The following HAGH variants were observed in gnomAD, a reference collection of about 807,000 sequenced individuals.
The protein encoded by HAGH is hydroxyacylglutathione hydrolase, mitochondrial.
A neutral mutation model predicts 35.1 loss-of-function variants in HAGH; 29 were observed. That is an observed-to-expected ratio of 0.83 (90% CI 0.62 to 1.13). HAGH has a LOEUF of 1.13. Ranked by LOEUF, HAGH falls within the 50% of genes most tolerant of loss-of-function variation. The pLI, the probability that HAGH is intolerant of heterozygous loss-of-function variation, is 0.00. For missense variants in HAGH, 478 were observed against 419.6 expected, an observed-to-expected ratio of 1.14 and a Z score of -1.22; for synonymous variants, 225 against 176.1, an observed-to-expected ratio of 1.28 and a Z score of -2.20.
intron 7 of HAGH, among the ~76,000 whole-genome samples, chr16:1,814,649 C>G (rs922124975): frequency 6.6e-6 from 1 of 152,086 alleles, no homozygotes. Flanking sequence ...CCTGTAATCC[C>G]AGCACTTTGG....
At chr16:1,810,681 C>G (rs1364026584) in intron 7 of HAGH, 1 of 152,498 alleles carries the variant, frequency 6.6e-6, no homozygotes, top group African/African-American at 2.4e-5. Context: ...CCTTCTACCG[C>G]AGCCGCACCA....
intron 8 of HAGH, 151 bp downstream of exon 8, chr16:1,809,603 C>G (rs1309940350): frequency 4.2e-6 from 3 of 715,996 alleles, no homozygotes; most frequent in Non-Finnish European, 7.3e-6. Flanking sequence ...GGACCCCCCT[C>G]AAGAAGAGTG....
chr16:1,809,319 G>A lies in HAGH; in HGVS notation c.891C>T (p.Arg297=), dbSNP rs369286144. ...TDPVTTMRAV[R]REKDQFKMPR... ...GCATCTTGAACTGGTCCTTCTCCCT[G>A]CGCACGGCCCGCATGGTGGTCACCG... Residue 297 remains arginine (R), a synonymous_variant, in exon 9 of 9, where the codon CGC becomes CGT. Coordinates refer to ENST00000397356, the MANE Select transcript of HAGH (RefSeq NM_005326.6). 9 of 1,613,562 alleles carry A rather than the reference G, an allele frequency of 5.6e-6. No individual in the cohort carries two copies. The highest frequency in any genetic ancestry group is 7.6e-6 in the Non-Finnish European group (9 of 1,179,766).
intron 1 of HAGH, among the ~76,000 whole-genome samples, chr16:1,826,105 A>C (rs1024487040): frequency 6.6e-6 from 1 of 152,176 alleles, no homozygotes; most frequent in Admixed American, 6.5e-5. Context: ...CAGAGCCTTG[A>C]CAGCTTTCGG....
intron 7 of HAGH, among the ~76,000 whole-genome samples, chr16:1,815,095 G>A (rs1210668731): frequency 3.5e-5 from 5 of 143,400 alleles, no homozygotes; most frequent in South Asian, 2.2e-4. Context: ...TCCAAAGGCC[G>A]ACACACATGA....
At position 1,817,175 on chromosome 16, in the gene HAGH, G is replaced by T. The variant is rs748106617; in HGVS notation, c.638C>A (p.Pro213Gln). Reference sequence around the variant, plus strand: ...CAGGGAGGCGCTGCCTACTGTGTCCGGGGGGAGCCGGCCCAAGACCTCCAG... The same window carrying T: ...CAGGGAGGCGCTGCCTACTGTGTCCTGGGGGAGCCGGCCCAAGACCTCCAG... Reference protein sequence around the residue: ...ALLEVLGRLPPDTRVYCGHEY... With the variant: ...ALLEVLGRLPQDTRVYCGHEY... Residue 213 changes from proline (P) to glutamine (Q), a missense_variant, in exon 6 of 9, where the codon CCG (proline) becomes CAG (glutamine). Transcript: ENST00000397356. The T allele has an allele frequency of 6.2e-7, 1 of 1,600,170 alleles. No homozygotes were observed. Among genetic ancestry groups the T allele is most frequent in the South Asian group, 1.1e-5 (1 of 90,846 alleles).
At chr16:1,823,634 TC>T (rs1214713399) in intron 1 of HAGH, among the ~76,000 whole-genome samples, 8 of 149,252 alleles carry the variant, frequency 5.4e-5, no homozygotes, top group Non-Finnish European at 1.5e-5. Context: ...TCCCAGCTAC[TC>T]CGGAGGCTGA....
At chr16:1,809,633 C>T (rs1006201718) in intron 8 of HAGH, 121 bp downstream of exon 8, 3 of 788,944 alleles carry the variant, frequency 3.8e-6, no homozygotes, top group East Asian at 2.4e-5. Flanking sequence ...TGCGGCTGCA[C>T]CTGTGACAGC....
At chr16:1,817,312 C>T (rs749006113) in intron 5 of HAGH, 41 bp from the exon 6 acceptor site, 1 of 1,302,448 alleles carries the variant, frequency 7.7e-7, no homozygotes, top group Non-Finnish European at 1.1e-6. Flanking sequence ...CCACTTGAGG[C>T]TGGTGGCTAG....
rs143832024 is a variant in HAGH, at chr16:1,819,157, C to T, written c.499G>A (p.Val167Met). 180 of 1,613,168 alleles carry T rather than the reference C, an allele frequency of 1.1e-4. No homozygotes were observed. Among genetic ancestry groups the T allele is most frequent in the Non-Finnish European group, 1.4e-4 (168 of 1,179,730 alleles). ...GGCTCCGAGCCTCCGGGCTTGCTCA[C>T]GAAGTAACAAATGTGTCCTGAAGTG... The part of the protein sequence containing the change: ...CHTSGHICYF[V>M]SKPGGSEPPA... The change falls in exon 5 of 9, where the codon GTG becomes ATG. Residue 167 changes from valine to methionine, a missense_variant. Transcript: ENST00000397356.
intron 7 of HAGH, among the ~76,000 whole-genome samples, chr16:1,815,449 C>T (rs1166998043): frequency 6.6e-6 from 1 of 152,152 alleles, no homozygotes; most frequent in Non-Finnish European, 1.5e-5. Context: ...GTAGCATTTC[C>T]ACACAATGGG....
intron 7 of HAGH, among the ~76,000 whole-genome samples, chr16:1,814,861 G>A (rs757638490): frequency 1.3e-5 from 2 of 151,836 alleles, no homozygotes; most frequent in Non-Finnish European, 2.9e-5. Context: ...TCACACCACT[G>A]CACTCCAGCC....
intron 5 of HAGH, 130 bp from the exon 6 acceptor site, chr16:1,817,401 G>T: frequency 1.5e-6 from 1 of 678,600 alleles, no homozygotes; most frequent in Non-Finnish European, 2.7e-6. Flanking sequence ...CTCCGGCCAC[G>T]GCTGCCCAGA....
chr16:1,820,673 G>A (rs1220649289), intron 3 of HAGH, among the ~76,000 whole-genome samples: 2 of 152,130 alleles, frequency 1.3e-5, no homozygotes, highest in African/African-American at 4.8e-5. Flanking sequence ...GGCCCTTCCC[G>A]GGTCTCACAT....
intron 2 of HAGH, 139 bp downstream of exon 2, chr16:1,822,724 CCT>C: frequency 1.4e-6 from 1 of 708,518 alleles, no homozygotes; most frequent in South Asian, 1.7e-5. Context: ...TTCTTGGAGC[CCT>C]GTTAACAGAG....
At chr16:1,811,697 C>T (rs1897656051) in intron 7 of HAGH, among the ~76,000 whole-genome samples, 1 of 151,894 alleles carries the variant, frequency 6.6e-6, no homozygotes, top group African/African-American at 2.4e-5. Flanking sequence ...GCTTGGGTGA[C>T]AGAGTGAGAC....
intron 7 of HAGH, among the ~76,000 whole-genome samples, chr16:1,816,370 C>T (rs937643336): frequency 6.6e-6 from 1 of 152,114 alleles, no homozygotes; most frequent in African/African-American, 2.4e-5. Flanking sequence ...CTGTCAGAGG[C>T]AGCGACTCTC....
upstream of HAGH, chr16:1,826,875 C>A: frequency 1.2e-6 from 1 of 833,762 alleles, no homozygotes; most frequent in South Asian, 3.9e-5. Flanking sequence ...CCGCCTCGCG[C>A]TGCCCTCAGC....
chr16:1,822,215 G>C (rs1421583331), intron 3 of HAGH, 85 bp downstream of exon 3: 6 of 825,512 alleles, frequency 7.3e-6, no homozygotes, highest in East Asian at 2.7e-5. Context: ...AGAGCCGTGG[G>C]GGGAGACAGG....
Sources: gnomAD v4.1 joint callset for allele counts (sites outside exome capture counted in the v4.1 genomes callset) on GRCh38, gnomAD v4.1.1 for gene constraint, MANE v1.5 for transcripts, NCBI Gene and HGNC (gene_info 2026-07-23, HGNC 2026-07-21) for gene names.